ENOX1: variants seen among roughly 807,000 people sequenced by gnomAD.
The protein encoded by ENOX1 is ecto-NOX disulfide-thiol exchanger 1, also known as candidate growth-related and time keeping constitutive hydroquinone (NADH) oxidase.
In ENOX1, 42 loss-of-function variants were observed where a neutral mutation model predicts 82.5. The observed-to-expected ratio is 0.51, with a 90% CI of 0.40 to 0.66. The LOEUF (loss-of-function observed/expected upper bound fraction) is 0.66, where lower values mean the gene tolerates loss of function less well. ENOX1 is among the 30% of genes least tolerant of loss of function. The pLI is 0.00. For missense variants in ENOX1, 608 were observed against 811.6 expected (o/e 0.75, Z 3.05); for synonymous variants, 271 against 282.2 (o/e 0.96, Z 0.40).
chr13:43,436,117 G>A (rs994208448), intron 3 of ENOX1, among the ~76,000 whole-genome samples: 5 of 152,172 alleles, frequency 3.3e-5, no homozygotes, highest in African/African-American at 1.2e-4. Flanking sequence ...GTCTCTGTAT[G>A]TATATAATGA....
intron 1 of ENOX1, among the ~76,000 whole-genome samples, chr13:43,692,729 T>C (rs1447535894): frequency 1.3e-5 from 2 of 152,202 alleles, no homozygotes; most frequent in Non-Finnish European, 2.9e-5. Flanking sequence ...AAATTTTACA[T>C]GTTTTGTATA....
intron 8 of ENOX1, among the ~76,000 whole-genome samples, chr13:43,346,196 A>G (rs1259053949): frequency 6.6e-6 from 1 of 152,148 alleles, no homozygotes; most frequent in African/African-American, 2.4e-5. Context: ...CTTCCTTAGC[A>G]TGGCTGCTGC....
At chr13:43,223,887 AGAG>A (rs978252423) in intron 16 of ENOX1, among the ~76,000 whole-genome samples, 163 bp downstream of exon 16, 92 of 152,344 alleles carry the variant, frequency 6.0e-4, no homozygotes, top group African/African-American at 2.2e-3. Context: ...GCAAGCAAAA[AGAG>A]GAGAACAAGC....
intron 13 of ENOX1, among the ~76,000 whole-genome samples, chr13:43,267,029 CCT>C (rs2044415040): frequency 6.6e-6 from 1 of 152,172 alleles, no homozygotes; most frequent in Non-Finnish European, 1.5e-5. Context: ...TTTTTCTGCT[CCT>C]GTTTATTCTC....
intron 2 of ENOX1, among the ~76,000 whole-genome samples, chr13:43,561,351 G>C (rs576793285): frequency 6.6e-6 from 1 of 152,182 alleles, no homozygotes; most frequent in African/African-American, 2.4e-5. Flanking sequence ...TGAGCTGCAA[G>C]GTACAAATCC....
At chr13:43,291,455 G>GAAACT (rs1463209914) in intron 12 of ENOX1, among the ~76,000 whole-genome samples, 1 of 152,148 alleles carries the variant, frequency 6.6e-6, no homozygotes, top group African/African-American at 2.4e-5. Flanking sequence ...CTCACTTTCA[G>GAAACT]AAACTATTTT....
chr13:43,359,060 G>T (rs1240807042), intron 7 of ENOX1, among the ~76,000 whole-genome samples: 1 of 152,258 alleles, frequency 6.6e-6, no homozygotes, highest in Admixed American at 6.5e-5. Flanking sequence ...TGCTCAGATA[G>T]GTCCCCCTGC....
At chr13:43,304,400 G>A (rs190841077) in intron 11 of ENOX1, among the ~76,000 whole-genome samples, 1 of 152,190 alleles carries the variant, frequency 6.6e-6, no homozygotes, top group African/African-American at 2.4e-5. Flanking sequence ...GGTAAAAGGT[G>A]TGGCTCTAGG....
chr13:43,292,118 A>G (rs1169893947), intron 12 of ENOX1, among the ~76,000 whole-genome samples: 1 of 152,204 alleles, frequency 6.6e-6, no homozygotes, highest in African/African-American at 2.4e-5. Flanking sequence ...CACAATAGCT[A>G]AACAACTAAT....
chr13:43,765,981 C>G (rs1472053527), intron 1 of ENOX1, among the ~76,000 whole-genome samples: 1 of 152,080 alleles, frequency 6.6e-6, no homozygotes, highest in Non-Finnish European at 1.5e-5. Flanking sequence ...ACTTCATTGT[C>G]CAAAAAGTGT....
At chr13:43,371,430 A>G (rs1299806165) in intron 5 of ENOX1, among the ~76,000 whole-genome samples, 3 of 152,222 alleles carry the variant, frequency 2.0e-5, no homozygotes, top group Non-Finnish European at 4.4e-5. Flanking sequence ...ATTTGAAGTC[A>G]GGTAATAGCC....
At chr13:43,723,977 C>T (rs943432453) in intron 1 of ENOX1, among the ~76,000 whole-genome samples, 2 of 152,206 alleles carry the variant, frequency 1.3e-5, no homozygotes, top group African/African-American at 2.4e-5. Context: ...CTTCACATCA[C>T]TAGGGTAGTT....
chr13:43,245,304 CCT>C (rs2043030205), intron 14 of ENOX1, among the ~76,000 whole-genome samples: 1 of 152,186 alleles, frequency 6.6e-6, no homozygotes, highest in Non-Finnish European at 1.5e-5. Flanking sequence ...CTTCCTGCTC[CCT>C]GATTCCATGC....
At chr13:43,248,042 C>T (rs1472087511) in intron 14 of ENOX1, among the ~76,000 whole-genome samples, 7 of 148,870 alleles carry the variant, frequency 4.7e-5, no homozygotes, top group South Asian at 2.2e-4. Context: ...CCCGCCACTA[C>T]GCCTGTCTAA....
chr13:43,587,994 A>G (rs950058528), intron 2 of ENOX1, among the ~76,000 whole-genome samples: 4 of 152,130 alleles, frequency 2.6e-5, no homozygotes, highest in Admixed American at 6.5e-5. Context: ...GAAGGCAGAG[A>G]CTGCATTTTA....
intron 2 of ENOX1, among the ~76,000 whole-genome samples, chr13:43,659,362 C>T (rs767259011): frequency 3.3e-5 from 5 of 151,826 alleles, no homozygotes; most frequent in Non-Finnish European, 5.9e-5. Flanking sequence ...TAGTGGCACG[C>T]GCCTGTAATC....
intron 9 of ENOX1, among the ~76,000 whole-genome samples, chr13:43,343,466 T>C (rs927801847): frequency 6.6e-6 from 1 of 152,236 alleles, no homozygotes; most frequent in African/African-American, 2.4e-5. Context: ...TGATCACTTA[T>C]CGGAATTTAC....
rs2048494353 is a variant in ENOX1 at position 43,332,997 on chromosome 13, AGT to A, written c.1037-6474_1037-6473del. ...ATAAGGTTATGCATATAGTACAAAC[AGT>A]GTGTATTTTTCTATGAGAAACCTTT... On this transcript the variant is annotated intron_variant, in intron 9 of 16. Coordinates refer to ENST00000690772, the MANE Select transcript of ENOX1 (RefSeq NM_001347969.2). Among the ~76,000 whole-genome samples the A allele has an allele frequency of 3.3e-5, 5 of 152,240 alleles. No individual in the cohort carries two copies. The South Asian group carries it at 1.0e-3, about 32-fold the overall frequency.
chr13:43,306,047 G>A (rs2046840829), intron 11 of ENOX1, among the ~76,000 whole-genome samples: 1 of 152,212 alleles, frequency 6.6e-6, no homozygotes, highest in South Asian at 2.1e-4. Context: ...AGGGCTCCAG[G>A]AGGGGCCATC....
Sources: gnomAD v4.1 joint callset for allele counts (sites outside exome capture counted in the v4.1 genomes callset) on GRCh38, gnomAD v4.1.1 for gene constraint, MANE v1.5 for transcripts, NCBI Gene and HGNC (gene_info 2026-07-23, HGNC 2026-07-21) for gene names.